DENND1A: variants seen among roughly 807,000 people sequenced by gnomAD.
DENND1A encodes the protein DENN domain containing 1A.
A neutral mutation model predicts 113.7 loss-of-function variants in DENND1A; 51 were observed. The ratio of observed to expected loss-of-function variants is 0.45; its 90% CI spans 0.36 to 0.57. The LOEUF is 0.57. Ranked by LOEUF, DENND1A falls within the 20% of genes least tolerant of loss-of-function variation. The pLI, the probability that DENND1A is intolerant of heterozygous loss-of-function variation, is 0.00. For synonymous variants in DENND1A, 565 were observed against 570.8 expected (o/e 0.99, Z 0.14); for missense variants, 1,258 against 1,395.9 (o/e 0.90, Z 1.57).
At chr9:123,503,181 G>A (rs1288503641) in intron 13 of DENND1A, among the ~76,000 whole-genome samples, 1 of 152,160 alleles carries the variant, frequency 6.6e-6, no homozygotes, top group African/African-American at 2.4e-5. Context: ...TAAGATGATG[G>A]ACTTAGGAGT....
At chr9:123,610,220 G>A (rs368164115) in intron 10 of DENND1A, among the ~76,000 whole-genome samples, 18 of 152,312 alleles carry the variant, frequency 1.2e-4, no homozygotes, top group South Asian at 2.1e-4. Flanking sequence ...GATTTCAGGG[G>A]TCGGTGTGTA....
intron 8 of DENND1A, among the ~76,000 whole-genome samples, chr9:123,657,000 G>A (rs2062983137): frequency 6.6e-6 from 1 of 152,048 alleles, no homozygotes; most frequent in Non-Finnish European, 1.5e-5. Flanking sequence ...ATCTCTTCTG[G>A]CCACACTCTC....
At chr9:123,557,294 T>C (rs1302764157) in intron 13 of DENND1A, among the ~76,000 whole-genome samples, 2 of 152,182 alleles carry the variant, frequency 1.3e-5, no homozygotes, top group Non-Finnish European at 2.9e-5. Flanking sequence ...GTGAGGGGCC[T>C]GGCGCTGCAT....
At chr9:123,798,840 A>G (rs941402158) in intron 2 of DENND1A, among the ~76,000 whole-genome samples, 1 of 151,992 alleles carries the variant, frequency 6.6e-6, no homozygotes, top group Non-Finnish European at 1.5e-5. Context: ...AAATATTTGG[A>G]ATTTTTTAAA....
At chr9:123,665,833 A>C (rs754989889) in intron 8 of DENND1A, among the ~76,000 whole-genome samples, 1 of 152,228 alleles carries the variant, frequency 6.6e-6, no homozygotes, top group Admixed American at 6.5e-5. Flanking sequence ...ACAGATACGC[A>C]AAATGTGGTC....
intron 2 of DENND1A, among the ~76,000 whole-genome samples, chr9:123,811,094 C>A (rs1038565455): frequency 9.9e-5 from 15 of 152,116 alleles, no homozygotes; most frequent in African/African-American, 3.6e-4. Context: ...TTGCTTGAAG[C>A]CTGGACTAGA....
At chr9:123,576,504 T>C (rs1364117946) in intron 12 of DENND1A, among the ~76,000 whole-genome samples, 2 of 152,182 alleles carry the variant, frequency 1.3e-5, no homozygotes, top group Admixed American at 1.3e-4. Context: ...GTCCTAGTTT[T>C]GCCTTTTTTT....
intron 13 of DENND1A, among the ~76,000 whole-genome samples, chr9:123,537,689 T>C (rs2055889394): frequency 6.6e-6 from 1 of 151,168 alleles, no homozygotes; most frequent in South Asian, 2.1e-4. Context: ...AAAAAGTGAC[T>C]TATTAACAAA....
intron 10 of DENND1A, among the ~76,000 whole-genome samples, chr9:123,626,481 T>C (rs1275361968): frequency 6.6e-6 from 1 of 152,012 alleles, no homozygotes; most frequent in Non-Finnish European, 1.5e-5. Flanking sequence ...CTCTCTCCCT[T>C]CTCCTGCTTT....
chr9:123,414,852 G>A (rs984448428), intron 19 of DENND1A, among the ~76,000 whole-genome samples: 4 of 152,114 alleles, frequency 2.6e-5, no homozygotes, highest in South Asian at 2.1e-4. Flanking sequence ...ACCGGCTGTC[G>A]TTATCAGCTC....
chr9:123,905,423 A>G (rs1468994641), intron 1 of DENND1A, among the ~76,000 whole-genome samples: 2 of 147,202 alleles, frequency 1.4e-5, no homozygotes, highest in African/African-American at 5.1e-5. Context: ...AATTGGATAA[A>G]GAGTCAAGAC....
chr9:123,531,555 A>C (rs1388049719), intron 13 of DENND1A, among the ~76,000 whole-genome samples: 71 of 10,030 alleles, frequency 7.1e-3, no homozygotes, highest in African/African-American at 0.05. Flanking sequence ...CTCTCTCTCT[A>C]CACACACACA....
At chr9:123,903,772 C>A (rs1234396522) in intron 1 of DENND1A, among the ~76,000 whole-genome samples, 2 of 152,206 alleles carry the variant, frequency 1.3e-5, no homozygotes, top group African/African-American at 4.8e-5. Context: ...GATCAAACAG[C>A]AAGGCGGCAG....
Position 123,638,853 on chromosome 9 carries a change from C to A in DENND1A, c.619-8377G>T, listed in dbSNP as rs75600956. 3.2e-3 allele frequency among the ~76,000 whole-genome samples: 489 copies of A among 151,770 alleles called. 4 individuals are homozygous for A. The highest frequency in any genetic ancestry group is 0.011 in the African/African-American group (471 of 41,394). On this transcript the variant is annotated intron_variant, in intron 9 of 23. Coordinates refer to ENST00000394215, the MANE Select transcript of DENND1A (RefSeq NM_001352964.2). ...CTAGTCTAAGTGGATATTTCTATTT[C>A]TTTGACAATATAAATCATAATTTAT...
chr9:123,624,145 A>G (rs749828514), intron 10 of DENND1A, among the ~76,000 whole-genome samples: 3 of 152,218 alleles, frequency 2.0e-5, no homozygotes, highest in Non-Finnish European at 4.4e-5. Context: ...TAGTTTTCAG[A>G]TTCCTTTTTG....
intron 13 of DENND1A, among the ~76,000 whole-genome samples, chr9:123,500,290 CT>C (rs1027734597): frequency 4.6e-5 from 7 of 152,286 alleles, no homozygotes; most frequent in Admixed American, 1.3e-4. Context: ...TACAAAAGCC[CT>C]TCATAGGCCA....
rs189497232 is a variant in DENND1A at position 123,545,607 on chromosome 9, C to T, written c.993+11963G>A. Among the ~76,000 whole-genome samples, 1,011 of 152,128 alleles carry T rather than the reference C, an allele frequency of 6.6e-3. 15 individuals carry two copies. The highest frequency in any genetic ancestry group is 0.023 in the African/African-American group (966 of 41,428). On this transcript the variant is annotated intron_variant, in intron 13 of 23. Transcript: ENST00000394215. ...TCAGCCTCCTGAGTAGCTGGGACTA[C>T]AGGCGCCCGCCACCACACCTGGCTA...
At chr9:123,624,582 C>T (rs191595303) in intron 10 of DENND1A, among the ~76,000 whole-genome samples, 5 of 152,312 alleles carry the variant, frequency 3.3e-5, no homozygotes, top group South Asian at 2.1e-4. Flanking sequence ...AGAAAGACTG[C>T]TATTACAGAA....
chr9:123,897,198 G>A (rs1297035434), intron 1 of DENND1A, among the ~76,000 whole-genome samples: 8 of 152,234 alleles, frequency 5.3e-5, no homozygotes, highest in Non-Finnish European at 1.2e-4. Flanking sequence ...AGAAAGTAGA[G>A]TAGCAGATGA....
Sources: allele counts gnomAD v4.1 joint callset (sites outside exome capture counted in the v4.1 genomes callset), GRCh38; gene constraint gnomAD v4.1.1; transcripts MANE v1.5; gene names NCBI Gene and HGNC (gene_info 2026-07-23, HGNC 2026-07-21).